Variants in CNTRL observed in about 807,000 individuals in gnomAD.
CNTRL encodes centriolin.
Under a neutral mutation model 303.7 loss-of-function variants are expected in CNTRL, and 233 were observed. That is an observed-to-expected ratio of 0.77 (90% CI 0.69 to 0.86). CNTRL has a LOEUF of 0.86. CNTRL is among the 40% of genes least tolerant of loss of function. The pLI is 0.00. For synonymous variants in CNTRL, 900 were observed against 922.2 expected (o/e 0.98, Z 0.44); for missense variants, 2,524 against 2,650.6 (o/e 0.95, Z 1.05).
At position 121,173,463 on chromosome 9, in the gene CNTRL, A is replaced by G; in HGVS notation, c.6638A>G (p.Glu2213Gly). The G allele has an allele frequency of 6.2e-7, 1 of 1,613,750 alleles. No individual in the cohort carries two copies. The highest frequency in any genetic ancestry group is 1.1e-5 in the South Asian group (1 of 91,056). ...LKENLPFTMN[E>G]GPFEEKLNFS... ...GAGAACCTTCCATTTACCATGAATG[A>G]GGGACCTTTTGAAGAAAAACTGAAC... The change falls in exon 41 of 44, where the codon GAG (glutamate) becomes GGG (glycine). Residue 2213 changes from glutamate to glycine, a missense_variant. By Grantham distance (98) the Glu-to-Gly change is moderately conservative (BLOSUM62 -2). Coordinates refer to ENST00000373855, the MANE Select transcript of CNTRL (RefSeq NM_007018.6).
At chr9:121,115,585 A>G (rs778456958) in intron 11 of CNTRL, among the ~76,000 whole-genome samples, 6 of 152,176 alleles carry the variant, frequency 3.9e-5, no homozygotes, top group African/African-American at 7.2e-5. Flanking sequence ...CAAGCCAAAA[A>G]AAAAAAGAGA....
At chr9:121,118,268 T>C (rs985819890) in intron 11 of CNTRL, 78 bp from the exon 12 acceptor site, 16 of 1,166,002 alleles carry the variant, frequency 1.4e-5, no homozygotes, top group Admixed American at 2.7e-5. Context: ...AGAATACTTA[T>C]TAAAATTATA....
At chr9:121,110,574 A>C in intron 8 of CNTRL, among the ~76,000 whole-genome samples, 1 of 152,068 alleles carries the variant, frequency 6.6e-6, no homozygotes, top group Non-Finnish European at 1.5e-5. Context: ...CCTTAAAGGT[A>C]GTTCTTCCAG....
chr9:121,175,510 C>T (rs1181425830), intron 43 of CNTRL, among the ~76,000 whole-genome samples: 1 of 152,222 alleles, frequency 6.6e-6, no homozygotes, highest in Non-Finnish European at 1.5e-5. Context: ...CTCAAGCGAT[C>T]CTCCTGCCTC....
At chr9:121,138,483 C>T (rs2051317722) in intron 15 of CNTRL, 62 bp from the exon 16 acceptor site, 1 of 1,540,982 alleles carries the variant, frequency 6.5e-7, no homozygotes, top group African/African-American at 1.4e-5. Context: ...TTATTTGTGC[C>T]TTTTAAAATC....
chr9:121,176,564 AAGAGT>A (rs1287185702), intron 43 of CNTRL, among the ~76,000 whole-genome samples: 2 of 152,182 alleles, frequency 1.3e-5, no homozygotes, highest in Admixed American at 6.5e-5. Flanking sequence ...GTAGTGAGAG[AAGAGT>A]AGAGTGCACA....
At chr9:121,089,185 C>T (rs1035207944) in intron 3 of CNTRL, among the ~76,000 whole-genome samples, 2 of 152,184 alleles carry the variant, frequency 1.3e-5, no homozygotes, top group Non-Finnish European at 2.9e-5. Context: ...TATATCTTTG[C>T]TGCAAGTTGG....
At position 121,157,438 on chromosome 9, in the gene CNTRL, T is replaced by G. The variant is rs767576647; in HGVS notation, c.4366-32T>G. On this transcript the variant is annotated intron_variant, in intron 27 of 43. Transcript: ENST00000373855. ...AGTAGCTGTGAGTGAGTATTGTAAC[T>G]GAATGGCTTTTAATGACAGTTTCTT... 15 of 1,606,086 alleles carry G rather than the reference T, an allele frequency of 9.3e-6. No homozygotes were observed. The Admixed American group carries it at 2.5e-4, about 27-fold the overall frequency.
rs111799216 is a variant in CNTRL at position 121,078,595 on chromosome 9, G to A, written c.-204-1711G>A. ...CTGACACTGTCTACCTGGAGACAGC[G>A]TCACATCCCTAAGGTTGAAGGCTGG... On this transcript the variant is annotated intron_variant, in intron 1 of 43. Coordinates refer to ENST00000373855, the MANE Select transcript of CNTRL (RefSeq NM_007018.6). Among the ~76,000 whole-genome samples, 133 of 152,270 alleles carry A rather than the reference G, an allele frequency of 8.7e-4. 1 individual carries two copies. The highest frequency in any genetic ancestry group is 2.1e-3 in the African/African-American group (89 of 41,546).
At chr9:121,148,905 T>C in intron 24 of CNTRL, 44 bp downstream of exon 24, 1 of 1,553,366 alleles carries the variant, frequency 6.4e-7, no homozygotes, top group Non-Finnish European at 8.8e-7. Context: ...CTTGCCCGTT[T>C]AATAACCTTT....
chr9:121,159,774 A>G (rs1170071174), intron 31 of CNTRL, among the ~76,000 whole-genome samples: 1 of 151,740 alleles, frequency 6.6e-6, no homozygotes, highest in East Asian at 1.9e-4. Context: ...CTCTATCTGC[A>G]TGTTTCCTAG....
At chr9:121,140,918 T>A in intron 17 of CNTRL, 132 bp downstream of exon 17, 3 of 824,506 alleles carry the variant, frequency 3.6e-6, no homozygotes, top group Non-Finnish European at 5.3e-6. Flanking sequence ...GTTCTCCTTA[T>A]GAAGTTTTCA....
At chr9:121,094,769 G>A (rs2048818228) in intron 4 of CNTRL, 119 bp from the exon 5 acceptor site, 1 of 678,574 alleles carries the variant, frequency 1.5e-6, no homozygotes, top group African/African-American at 1.9e-5. Context: ...CAGGAGAGCA[G>A]TAAGGGTATA....
chr9:121,076,979 C>T (rs2047951085), intron 1 of CNTRL, among the ~76,000 whole-genome samples: 1 of 151,816 alleles, frequency 6.6e-6, no homozygotes, highest in Non-Finnish European at 1.5e-5. Context: ...AGGAGGTCTG[C>T]GTTATTTGGA....
chr9:121,174,972 G>C (rs1200132633), intron 42 of CNTRL, 46 bp from the exon 43 acceptor site: 4 of 1,553,350 alleles, frequency 2.6e-6, no homozygotes, highest in Non-Finnish European at 3.6e-6. Flanking sequence ...GGCAGTTCTG[G>C]TACATTTCTT....
intron 35 of CNTRL, among the ~76,000 whole-genome samples, chr9:121,165,347 A>C (rs1174664195): frequency 2.0e-5 from 3 of 152,134 alleles, no homozygotes; most frequent in African/African-American, 7.2e-5. Flanking sequence ...CATGTTCCTT[A>C]GAGAACAATT....
chr9:121,169,663 G>C lies in CNTRL; in HGVS notation c.6123G>C (p.Leu2041=). The change falls in exon 39 of 44, where the codon CTG becomes CTC. Residue 2041 remains leucine (L), a synonymous_variant. Coordinates refer to ENST00000373855, the MANE Select transcript of CNTRL (RefSeq NM_007018.6). ...AATTGGTGGAGAAATCAGGTGAGCT[G>C]TTGGCCCTCCAGAAAGAGGCAGATT... ...EQQLVEKSGE[L]LALQKEADSM... 1.2e-6 allele frequency: 2 copies of C among 1,614,168 alleles called. No homozygotes were observed. The highest frequency in any genetic ancestry group is 1.7e-6 in the Non-Finnish European group (2 of 1,180,018).
At chr9:121,148,948 C>T (rs2052041150) in intron 24 of CNTRL, 87 bp downstream of exon 24, 2 of 1,243,824 alleles carry the variant, frequency 1.6e-6, no homozygotes, top group Non-Finnish European at 2.3e-6. Flanking sequence ...AGACACAATC[C>T]AGACTCCTTA....
chr9:121,172,364 G>A (rs1342368683), intron 40 of CNTRL, among the ~76,000 whole-genome samples: 1 of 151,178 alleles, frequency 6.6e-6, no homozygotes, highest in East Asian at 2.0e-4. Flanking sequence ...CTCTAGGCTG[G>A]GTGCGGTGCT....
Sources: gnomAD v4.1 joint callset for allele counts (sites outside exome capture counted in the v4.1 genomes callset) on GRCh38, gnomAD v4.1.1 for gene constraint, MANE v1.5 for transcripts, NCBI Gene and HGNC (gene_info 2026-07-23, HGNC 2026-07-21) for gene names.